The following PTPRD variants were observed in gnomAD, a reference collection of about 807,000 sequenced individuals.
PTPRD encodes the protein protein tyrosine phosphatase receptor type D, also known as receptor-type tyrosine-protein phosphatase delta.
In PTPRD, 34 loss-of-function variants were observed where a neutral mutation model predicts 214.5. That is an observed-to-expected ratio of 0.16 (90% confidence interval 0.12 to 0.21). PTPRD has a LOEUF of 0.21. Among genes scored for constraint, PTPRD ranks in the 10% least tolerant of loss-of-function variants. The pLI, the probability that PTPRD is intolerant of heterozygous loss-of-function variation, is 1.00. For missense variants in PTPRD, 2,545 were observed against 2,398.7 expected (o/e 1.06, Z -1.27); for synonymous variants, 1,128 against 845.7 (o/e 1.33, Z -5.79).
chr9:10,050,137 C>A (rs1476791442), intron 3 of PTPRD, among the ~76,000 whole-genome samples: 1 of 152,042 alleles, frequency 6.6e-6, no homozygotes, highest in African/African-American at 2.4e-5. Flanking sequence ...AAGATTGTGG[C>A]ATGGGGCCTG....
intron 11 of PTPRD, among the ~76,000 whole-genome samples, chr9:8,903,690 C>T (rs1369643790): frequency 6.6e-6 from 1 of 152,120 alleles, no homozygotes; most frequent in East Asian, 1.9e-4. Flanking sequence ...AAGTAATTAT[C>T]TTCTGTGGGC....
intron 14 of PTPRD, among the ~76,000 whole-genome samples, chr9:8,582,425 C>T (rs2093251995): frequency 6.6e-6 from 1 of 152,080 alleles, no homozygotes; most frequent in African/African-American, 2.4e-5. Context: ...TAAAATTAGG[C>T]TTTTGTTCAG....
At chr9:10,434,614 C>T (rs10121955) in intron 2 of PTPRD, among the ~76,000 whole-genome samples, 14,188 of 151,784 alleles carry the variant, frequency 0.093, 983 homozygotes, top group Admixed American at 0.18. Context: ...ATAGTAAAGG[C>T]TAACAGAGTC....
chr9:8,356,976 T>G (rs925918088), intron 39 of PTPRD, among the ~76,000 whole-genome samples: 1 of 152,136 alleles, frequency 6.6e-6, no homozygotes, highest in Admixed American at 6.5e-5. Flanking sequence ...CATCTGAAAA[T>G]CTACTTTTAT....
chr9:9,206,717 C>G (rs2099945093), intron 9 of PTPRD, among the ~76,000 whole-genome samples: 1 of 152,168 alleles, frequency 6.6e-6, no homozygotes, highest in East Asian at 1.9e-4. Context: ...ACATCAGACT[C>G]CAAGTTCTTT....
intron 14 of PTPRD, among the ~76,000 whole-genome samples, chr9:8,543,003 A>G (rs2078883801): frequency 6.6e-6 from 1 of 152,226 alleles, no homozygotes; most frequent in African/African-American, 2.4e-5. Flanking sequence ...ATGACAGCCA[A>G]TGGTCTCCTG....
rs1003637673 is a variant in PTPRD at position 10,540,704 on chromosome 9, T to C, written c.-600+71694A>G. ...CATTTTTCCCTGCTCAAAAAGAATG[T>C]GGTAATTTTTGTTTCTTTATTTGTT... On this transcript the variant is annotated intron_variant, in intron 2 of 45. Transcript: ENST00000381196. Among the ~76,000 whole-genome samples the C allele has an allele frequency of 6.6e-5, 10 of 152,182 alleles. No homozygotes were observed. The East Asian group carries it at 1.5e-3, about 23-fold the overall frequency.
chr9:9,020,336 G>C (rs561093409), intron 10 of PTPRD, among the ~76,000 whole-genome samples: 2 of 152,114 alleles, frequency 1.3e-5, no homozygotes, highest in Non-Finnish European at 2.9e-5. Context: ...TGTTTTAAAA[G>C]ATTATCTGTT....
intron 3 of PTPRD, among the ~76,000 whole-genome samples, chr9:10,101,978 C>G (rs78759280): frequency 0.016 from 2,393 of 151,784 alleles, 55 homozygotes; most frequent in African/African-American, 0.054. Context: ...ATTGGCCAGC[C>G]ATACACATCC....
intron 11 of PTPRD, among the ~76,000 whole-genome samples, chr9:8,889,671 A>G (rs779820604): frequency 2.0e-5 from 3 of 146,530 alleles, no homozygotes; most frequent in Non-Finnish European, 4.4e-5. Flanking sequence ...GCCTTTGCAT[A>G]CTCATAGCTT....
chr9:8,582,293 C>T (rs987837827), intron 14 of PTPRD, among the ~76,000 whole-genome samples: 2 of 151,982 alleles, frequency 1.3e-5, no homozygotes, highest in African/African-American at 4.8e-5. Context: ...GAGTTAAAGA[C>T]GTAAATGTGA....
chr9:9,800,929 C>G (rs532123299), intron 5 of PTPRD, among the ~76,000 whole-genome samples: 7 of 152,106 alleles, frequency 4.6e-5, no homozygotes, highest in Non-Finnish European at 7.4e-5. Context: ...AGGAGATACA[C>G]GATTAGTTGA....
intron 8 of PTPRD, among the ~76,000 whole-genome samples, chr9:9,545,668 G>A (rs2154277414): frequency 6.6e-6 from 1 of 151,842 alleles, no homozygotes; most frequent in East Asian, 1.9e-4. Context: ...ACACTGATCT[G>A]TACATCTGTT....
At chr9:10,226,035 C>A (rs1159414811) in intron 3 of PTPRD, among the ~76,000 whole-genome samples, 1 of 152,010 alleles carries the variant, frequency 6.6e-6, no homozygotes, top group Admixed American at 6.6e-5. Flanking sequence ...CCATTCAAGG[C>A]CTGCTACATA....
At chr9:9,769,757 C>G (rs2154480997) in intron 5 of PTPRD, among the ~76,000 whole-genome samples, 1 of 152,232 alleles carries the variant, frequency 6.6e-6, no homozygotes, top group South Asian at 2.1e-4. Context: ...TATCCCTCCC[C>G]TAGCCCCCCA....
chr9:8,781,444 T>C (rs1467229268), intron 11 of PTPRD, among the ~76,000 whole-genome samples: 1 of 152,142 alleles, frequency 6.6e-6, no homozygotes, highest in East Asian at 1.9e-4. Context: ...AGGAGACCTG[T>C]GTCCTAGCTG....
intron 9 of PTPRD, among the ~76,000 whole-genome samples, chr9:9,198,363 A>C (rs2099939872): frequency 6.6e-6 from 1 of 151,850 alleles, no homozygotes; most frequent in Non-Finnish European, 1.5e-5. Flanking sequence ...GTTTCACTGG[A>C]AATTAACCCT....
At chr9:9,500,705 T>G (rs1247110379) in intron 8 of PTPRD, among the ~76,000 whole-genome samples, 1 of 152,068 alleles carries the variant, frequency 6.6e-6, no homozygotes, top group East Asian at 1.9e-4. Context: ...TAAAGAAGAC[T>G]GGAGATAATA....
At chr9:9,117,997 G>T (rs1435937961) in intron 10 of PTPRD, among the ~76,000 whole-genome samples, 2 of 152,024 alleles carry the variant, frequency 1.3e-5, no homozygotes, top group Non-Finnish European at 2.9e-5. Context: ...TTAACTACAC[G>T]TTCTTAGACA....
Sources: gnomAD v4.1 joint callset for allele counts (sites outside exome capture counted in the v4.1 genomes callset) on GRCh38, gnomAD v4.1.1 for gene constraint, MANE v1.5 for transcripts, NCBI Gene and HGNC (gene_info 2026-07-23, HGNC 2026-07-21) for gene names.